Variants in ESRRG observed in about 807,000 individuals in gnomAD.
The protein encoded by ESRRG is estrogen related receptor gamma.
A neutral mutation model predicts 44.0 loss-of-function variants in ESRRG; 13 were observed. That is an observed-to-expected ratio of 0.30 (90% CI 0.19 to 0.47). The LOEUF is 0.47. ESRRG is among the 20% of genes least tolerant of loss of function. The pLI is 1.00. For missense variants in ESRRG, 395 were observed against 580.6 expected (o/e 0.68, Z 3.29); for synonymous variants, 215 against 214.6 (o/e 1.00, Z -0.02).
At chr1:216,777,341 C>A (rs1486972693) in intron 2 of ESRRG, among the ~76,000 whole-genome samples, 1 of 152,074 alleles carries the variant, frequency 6.6e-6, no homozygotes, top group Non-Finnish European at 1.5e-5. Context: ...CAACAGTGTC[C>A]CCGCAGTTGA....
chr1:217,005,733 A>C (rs999243233), intron 1 of ESRRG, among the ~76,000 whole-genome samples: 2 of 151,852 alleles, frequency 1.3e-5, no homozygotes, highest in Non-Finnish European at 2.9e-5. Context: ...TTAGGAAAAA[A>C]ATTTTTAATA....
At chr1:216,843,380 G>A (rs1467129612) in intron 2 of ESRRG, among the ~76,000 whole-genome samples, 1 of 152,078 alleles carries the variant, frequency 6.6e-6, no homozygotes, top group African/African-American at 2.4e-5. Flanking sequence ...AGGTCGGAAA[G>A]ACTAAGTTTT....
chr1:216,911,919 GA>G (rs1229761799), intron 2 of ESRRG, among the ~76,000 whole-genome samples: 1 of 151,294 alleles, frequency 6.6e-6, no homozygotes, highest in Non-Finnish European at 1.5e-5. Context: ...AAAACACACA[GA>G]AAAAACTAGC....
intron 2 of ESRRG, among the ~76,000 whole-genome samples, chr1:216,817,494 T>G (rs2095175308): frequency 6.6e-6 from 1 of 152,208 alleles, no homozygotes; most frequent in Non-Finnish European, 1.5e-5. Context: ...TAGGCTTAGA[T>G]GATACAAATA....
In ESRRG at chr1:216,793,959, A is replaced by ATT. The variant is rs34752392; in HGVS notation, c.-13-116470_-13-116469dup. On this transcript the variant is annotated intron_variant, in intron 2 of 7. Coordinates refer to the ESRRG transcript ENST00000359162. The stretch of plus-strand genomic sequence containing the variant: ...TTCCAGACTTCTGGCTTAACTAAGG[A>ATT]TTTTTTTTTTTTTTTTTTAATACTG... Among the ~76,000 whole-genome samples, 233 of 143,944 alleles carry ATT rather than the reference A, an allele frequency of 1.6e-3. 2 individuals carry two copies. Among genetic ancestry groups the ATT allele is most frequent in the Middle Eastern group, 3.7e-3 (1 of 272 alleles). 94.4% of individuals were successfully genotyped at this position (143,944 alleles called of 152,430 possible).
intron 1 of ESRRG, among the ~76,000 whole-genome samples, chr1:216,949,359 A>G (rs2066585187): frequency 6.6e-6 from 1 of 152,224 alleles, no homozygotes; most frequent in East Asian, 1.9e-4. Flanking sequence ...AGGTTTCATC[A>G]AGTCACAAAC....
intron 1 of ESRRG, among the ~76,000 whole-genome samples, chr1:216,953,371 C>G (rs952314124): frequency 7.2e-5 from 11 of 152,160 alleles, no homozygotes; most frequent in Non-Finnish European, 5.9e-5. Context: ...TTATGTAACC[C>G]CCCTGTTTTC....
intron 3 of ESRRG, among the ~76,000 whole-genome samples, chr1:216,603,703 TGGATCACTTGAGGCCA>T (rs2059540929): frequency 6.6e-6 from 1 of 151,944 alleles, no homozygotes; most frequent in East Asian, 1.9e-4. Flanking sequence ...CCGAGGCAGG[TGGATCACTTGAGGCCA>T]GGAGTTCAAG....
chr1:216,594,889 G>C (rs2058209793), intron 3 of ESRRG, among the ~76,000 whole-genome samples: 1 of 152,228 alleles, frequency 6.6e-6, no homozygotes, highest in Non-Finnish European at 1.5e-5. Context: ...TTTAGTGGTA[G>C]AACTTTGGGA....
intron 2 of ESRRG, among the ~76,000 whole-genome samples, chr1:216,743,012 C>T (rs1470374463): frequency 6.6e-6 from 1 of 152,066 alleles, no homozygotes; most frequent in Non-Finnish European, 1.5e-5. Context: ...ATTATTAACT[C>T]CAACAAAGTA....
At chr1:216,829,089 T>C (rs1311813706) in intron 2 of ESRRG, among the ~76,000 whole-genome samples, 1 of 152,208 alleles carries the variant, frequency 6.6e-6, no homozygotes, top group Non-Finnish European at 1.5e-5. Context: ...TTAAGCTATC[T>C]CAGTAAATAT....
At chr1:217,019,102 C>G (rs943376845) in intron 1 of ESRRG, among the ~76,000 whole-genome samples, 3 of 152,164 alleles carry the variant, frequency 2.0e-5, no homozygotes, top group African/African-American at 4.8e-5. Context: ...TCTTTTATTT[C>G]TCAGATAAAA....
intron 3 of ESRRG, among the ~76,000 whole-genome samples, chr1:216,612,537 C>T (rs543089395): frequency 6.6e-6 from 1 of 152,174 alleles, no homozygotes; most frequent in African/African-American, 2.4e-5. Context: ...TCTCCACCCC[C>T]CTCCTTTCTT....
intron 1 of ESRRG, among the ~76,000 whole-genome samples, chr1:217,104,012 T>G (rs2092556020): frequency 6.6e-6 from 1 of 152,180 alleles, no homozygotes; most frequent in African/African-American, 2.4e-5. Flanking sequence ...AAAGAAGCAC[T>G]GTTTGCTCTG....
chr1:217,065,635 TG>T (rs2089505081), intron 1 of ESRRG, among the ~76,000 whole-genome samples: 1 of 152,182 alleles, frequency 6.6e-6, no homozygotes, highest in Non-Finnish European at 1.5e-5. Flanking sequence ...TGAGCCACAC[TG>T]GATACTGTCT....
At position 216,506,945 on chromosome 1, in the gene ESRRG, C is replaced by T; in HGVS notation, c.1371G>A (p.Lys457=). The change falls in exon 7 of 7, where the codon AAG becomes AAA. Residue 457 remains lysine (K), a synonymous_variant. Transcript: ENST00000408911. ...HKLFLEMLEA[K]V Reference sequence around the variant, plus strand: ...AGGCCCAGGGAGCTTTTAGTCAGACCTTGGCCTCCAACATTTCCAAAAAAA... The same window carrying T: ...AGGCCCAGGGAGCTTTTAGTCAGACTTTGGCCTCCAACATTTCCAAAAAAA... 1.9e-6 allele frequency: 3 copies of T among 1,613,642 alleles called. No individual in the cohort carries two copies. Among genetic ancestry groups the T allele is most frequent in the Non-Finnish European group, 2.5e-6 (3 of 1,179,716 alleles).
At chr1:217,102,310 A>T in intron 1 of ESRRG, among the ~76,000 whole-genome samples, 1 of 152,360 alleles carries the variant, frequency 6.6e-6, no homozygotes, top group Non-Finnish European at 1.5e-5. Context: ...CAATCCCAGC[A>T]GCATGGCCCA....
At chr1:216,660,507 G>A (rs2072021124) in intron 2 of ESRRG, among the ~76,000 whole-genome samples, 1 of 152,214 alleles carries the variant, frequency 6.6e-6, no homozygotes. Context: ...TGGATCCAAA[G>A]TCTGTGCTCT....
At chr1:216,890,830 AC>A (rs1439668981) in intron 2 of ESRRG, among the ~76,000 whole-genome samples, 3 of 152,132 alleles carry the variant, frequency 2.0e-5, no homozygotes, top group African/African-American at 7.2e-5. Flanking sequence ...ATACACAAAA[AC>A]ACATAAAACT....
Sources: gnomAD v4.1 joint callset for allele counts (sites outside exome capture counted in the v4.1 genomes callset) on GRCh38, gnomAD v4.1.1 for gene constraint, MANE v1.5 for transcripts, NCBI Gene and HGNC (gene_info 2026-07-23, HGNC 2026-07-21) for gene names.